The following GGNBP2 variants were observed in gnomAD, a reference collection of about 807,000 sequenced individuals.
GGNBP2 encodes the protein gametogenetin binding protein 2.
Under a neutral mutation model 85.9 loss-of-function variants are expected in GGNBP2, and 10 were observed. The observed-to-expected ratio is 0.12, with a 90% CI of 0.07 to 0.20. The LOEUF is 0.20. Among genes scored for constraint, GGNBP2 ranks in the 10% least tolerant of loss-of-function variants. The probability of loss-of-function intolerance (pLI) is 1.00; values close to 1 mark genes in which losing one functional copy is unlikely to be tolerated. For missense variants in GGNBP2, 595 were observed against 857.8 expected (o/e 0.69, Z 3.83); for synonymous variants, 287 against 285.7 (o/e 1.00, Z -0.05).
chr17:36,561,590 A>G (rs1247803619), intron 5 of GGNBP2, among the ~76,000 whole-genome samples: 1 of 152,106 alleles, frequency 6.6e-6, no homozygotes, highest in Non-Finnish European at 1.5e-5. Context: ...ATATTATGAC[A>G]ATATGTATTT....
At chr17:36,586,246 A>G in intron 12 of GGNBP2, 48 bp downstream of exon 12, 1 of 1,575,202 alleles carries the variant, frequency 6.3e-7, no homozygotes, top group Non-Finnish European at 8.6e-7. Flanking sequence ...TTGAGGACAG[A>G]ACACGTGTTT....
chr17:36,583,301 C>T (rs1242544338), intron 9 of GGNBP2, among the ~76,000 whole-genome samples: 4 of 152,090 alleles, frequency 2.6e-5, no homozygotes, highest in African/African-American at 9.7e-5. Context: ...ATCCGCCCGC[C>T]TCAGCCTCCC....
intron 2 of GGNBP2, among the ~76,000 whole-genome samples, chr17:36,550,705 G>A (rs904142857): frequency 2.0e-5 from 3 of 152,194 alleles, no homozygotes; most frequent in Non-Finnish European, 1.5e-5. Context: ...AGCAGTAATT[G>A]CAGCACAATG....
Position 36,589,358 on chromosome 17 carries a change from G to T in GGNBP2, c.2041G>T (p.Asp681Tyr), listed in dbSNP as rs149314412. ...EKFNKYCRLNDHKRPICSGWL... is the reference protein window; with the variant it reads ...EKFNKYCRLNYHKRPICSGWL... ...ATTTAATAAATACTGCCGGTTAAAT[G>T]ATCACAAGAGGCCCATTTGTAGTGG... Residue 681 changes from aspartate (D) to tyrosine (Y), a missense_variant, in exon 14 of 14, where the codon GAT (aspartate) becomes TAT (tyrosine). By Grantham distance (160) the Asp-to-Tyr change is radical. This residue lies in a region of GGNBP2 where 26 missense variants were observed against 26.9 expected (regional missense o/e 0.97). Transcript: ENST00000613102. 3 of 1,614,040 alleles carry T rather than the reference G, an allele frequency of 1.9e-6. No homozygotes were observed. Among genetic ancestry groups the T allele is most frequent in the Admixed American group, 1.7e-5 (1 of 60,018 alleles).
At position 36,589,380 on chromosome 17, in the gene GGNBP2, G is replaced by A; in HGVS notation, c.2063G>A (p.Ser688Asn). 6.2e-7 allele frequency: 1 copy of A among 1,613,978 alleles called. No individual in the cohort carries two copies. Among genetic ancestry groups the A allele is most frequent in the Non-Finnish European group, 8.5e-7 (1 of 1,179,910 alleles). ...AATGATCACAAGAGGCCCATTTGTA[G>A]TGGCTGGTTGACAACGGCTGGAGCA... ...RLNDHKRPIC[S>N]GWLTTAGAN Residue 688 changes from serine to asparagine, a missense_variant, in exon 14 of 14, where the codon AGT (serine) becomes AAT (asparagine). This residue lies in a region of GGNBP2 where 26 missense variants were observed against 26.9 expected (regional missense o/e 0.97). Coordinates refer to ENST00000613102, the MANE Select transcript of GGNBP2 (RefSeq NM_024835.5).
intron 9 of GGNBP2, among the ~76,000 whole-genome samples, chr17:36,584,257 C>T (rs2074678786): frequency 1.3e-5 from 2 of 152,332 alleles, no homozygotes; most frequent in South Asian, 4.1e-4. Flanking sequence ...AAAAGTTCAG[C>T]TTGCACCTCA....
intron 9 of GGNBP2, among the ~76,000 whole-genome samples, chr17:36,583,836 A>C (rs1372152326): frequency 6.6e-6 from 1 of 152,206 alleles, no homozygotes; most frequent in Admixed American, 6.5e-5. Flanking sequence ...GACCAGTGGT[A>C]GTTTCTAAAA....
At chr17:36,571,545 C>T (rs558195008) in intron 6 of GGNBP2, among the ~76,000 whole-genome samples, 2 of 151,500 alleles carry the variant, frequency 1.3e-5, no homozygotes, top group Admixed American at 1.3e-4. Flanking sequence ...AAGACTCCAT[C>T]TCACAAAAAA....
intron 5 of GGNBP2, among the ~76,000 whole-genome samples, chr17:36,566,893 T>G (rs1455502190): frequency 3.3e-5 from 5 of 151,916 alleles, no homozygotes; most frequent in Non-Finnish European, 5.9e-5. Flanking sequence ...GAGCTGAGCA[T>G]GGTGGCTCAC....
intron 2 of GGNBP2, among the ~76,000 whole-genome samples, chr17:36,549,699 T>TA (rs2074290353): frequency 6.6e-6 from 1 of 152,254 alleles, no homozygotes; most frequent in Middle Eastern, 3.2e-3. Flanking sequence ...TTGTCATTCT[T>TA]AAACATTTTT....
intron 5 of GGNBP2, among the ~76,000 whole-genome samples, chr17:36,563,216 A>G (rs1486080145): frequency 1.3e-5 from 2 of 152,124 alleles, no homozygotes; most frequent in Non-Finnish European, 2.9e-5. Context: ...CATTGAGCCA[A>G]GATCGCACCA....
intron 6 of GGNBP2, chr17:36,576,598 T>TGTGTGG: frequency 1.8e-5 from 1 of 54,498 alleles, no homozygotes; most frequent in African/African-American, 6.8e-5. Context: ...TATATATATG[T>TGTGTGG]GTGTGTGTGT....
chr17:36,562,467 C>T (rs1425010627), intron 5 of GGNBP2, among the ~76,000 whole-genome samples: 1 of 151,710 alleles, frequency 6.6e-6, no homozygotes. Context: ...CTGCACCTGG[C>T]CTCTGAAAAG....
Position 36,581,167 on chromosome 17 carries a change from C to T in GGNBP2, c.1021-177C>T, listed in dbSNP as rs550082704. Among the ~76,000 whole-genome samples the T allele has an allele frequency of 3.9e-5, 6 of 152,100 alleles. No homozygotes were observed. In the East Asian group the frequency reaches 1.2e-3, roughly 29 times the overall value. Reference sequence around the variant, plus strand: ...GGGCGTGGTGGCGGGCACCTGTAGTCCCAGCTACTTAGGAGGCTGAGGCAG... The same window carrying T: ...GGGCGTGGTGGCGGGCACCTGTAGTTCCAGCTACTTAGGAGGCTGAGGCAG... On this transcript the variant is annotated intron_variant, in intron 8 of 13. Transcript: ENST00000613102.
At chr17:36,550,082 C>T (rs1004327985) in intron 2 of GGNBP2, among the ~76,000 whole-genome samples, 1 of 151,934 alleles carries the variant, frequency 6.6e-6, no homozygotes. Context: ...GGATTACAGG[C>T]GCCCGCCACC....
intron 6 of GGNBP2, among the ~76,000 whole-genome samples, chr17:36,568,585 T>C (rs570500277): frequency 3.2e-4 from 48 of 152,304 alleles, no homozygotes; most frequent in African/African-American, 1.1e-3. Context: ...GCATGAGCTG[T>C]GCCCAGCCTA....
intron 2 of GGNBP2, chr17:36,547,681 G>C (rs1163843585): frequency 1.3e-5 from 2 of 152,184 alleles, no homozygotes; most frequent in Non-Finnish European, 2.9e-5. Flanking sequence ...TGTATCTGGC[G>C]GTTGAATTTT....
chr17:36,584,529 G>A (rs1876331496), intron 9 of GGNBP2, among the ~76,000 whole-genome samples: 1 of 152,098 alleles, frequency 6.6e-6, no homozygotes, highest in South Asian at 2.1e-4. Flanking sequence ...GTAGAGACGG[G>A]GTCTCACCAT....
In GGNBP2 at chr17:36,588,287, TTGCTC is replaced by T. The variant is rs2074722953; in HGVS notation, c.1891-918_1891-914del. 2.6e-5 allele frequency among the ~76,000 whole-genome samples: 4 copies of T among 152,304 alleles called. No homozygotes were observed. In the South Asian group the frequency reaches 8.3e-4, roughly 32 times the overall value. ...TTTTTCTTTTTTTTGAGGTGGAGTT[TTGCTC>T]TGTTGCCCAGGCTGGAGTGCGATGG... On this transcript the variant is annotated intron_variant, in intron 13 of 13. Coordinates refer to ENST00000613102, the MANE Select transcript of GGNBP2 (RefSeq NM_024835.5).
Sources: gnomAD v4.1 joint callset for allele counts (sites outside exome capture counted in the v4.1 genomes callset) on GRCh38, gnomAD v4.1.1 for gene constraint, gnomAD v4.1.1 regional missense constraint, MANE v1.5 for transcripts, NCBI Gene and HGNC (gene_info 2026-07-23, HGNC 2026-07-21) for gene names.